Variants in DKK2 observed in about 807,000 individuals in gnomAD.
DKK2 encodes the protein dickkopf Wnt signaling pathway inhibitor 2.
DKK2 carries 11 observed loss-of-function variants against 28.1 expected under a neutral mutation model. The observed-to-expected ratio is 0.39, with a 90% confidence interval of 0.25 to 0.65. DKK2 has a LOEUF of 0.65. DKK2 is among the 30% of genes least tolerant of loss of function. DKK2 has a pLI of 0.47. For missense variants in DKK2, 326 were observed against 335.5 expected, an observed-to-expected ratio of 0.97 and a Z score of 0.22; for synonymous variants, 135 against 126.5, an observed-to-expected ratio of 1.07 and a Z score of -0.45.
chr4:106,942,713 T>A (rs1340385679), intron 1 of DKK2, among the ~76,000 whole-genome samples: 2 of 152,160 alleles, frequency 1.3e-5, no homozygotes, highest in African/African-American at 4.8e-5. Flanking sequence ...ACCAACTGGC[T>A]AATAGAGCTT....
chr4:106,952,579 C>A (rs763768589), intron 1 of DKK2, among the ~76,000 whole-genome samples: 4 of 152,078 alleles, frequency 2.6e-5, no homozygotes, highest in South Asian at 4.1e-4. Flanking sequence ...TGCCAAAATT[C>A]TTTATTTATA....
intron 1 of DKK2, among the ~76,000 whole-genome samples, chr4:106,968,342 T>C (rs922813518): frequency 6.6e-6 from 1 of 152,102 alleles, no homozygotes; most frequent in Non-Finnish European, 1.5e-5. Context: ...ATTTTGGTCG[T>C]TATTGCCATT....
rs1488545984 is a variant in DKK2 at position 107,016,831 on chromosome 4, G to C, written c.222+18539C>G. On this transcript the variant is annotated intron_variant, in intron 1 of 3. Transcript: ENST00000285311. ...AAAACCATGGGTGCAGCAGGTTTGG[G>C]AAAGGGAAAAGATGGGATTTGGACA... Among the ~76,000 whole-genome samples, 7 of 151,884 alleles carry C rather than the reference G, an allele frequency of 4.6e-5. No individual in the cohort carries two copies. In the East Asian group the frequency reaches 1.4e-3, roughly 29 times the overall value.
intron 1 of DKK2, among the ~76,000 whole-genome samples, chr4:106,976,924 G>T (rs1408741988): frequency 6.6e-6 from 1 of 152,070 alleles, no homozygotes; most frequent in African/African-American, 2.4e-5. Context: ...TCTCTTGTAA[G>T]GCAGGCCCGA....
At chr4:106,948,888 C>T (rs1355639952) in intron 1 of DKK2, among the ~76,000 whole-genome samples, 3 of 152,092 alleles carry the variant, frequency 2.0e-5, no homozygotes, top group Non-Finnish European at 2.9e-5. Context: ...AATCACTAGC[C>T]AAGTCAGATT....
chr4:106,954,233 C>T (rs1722551760), intron 1 of DKK2, among the ~76,000 whole-genome samples: 1 of 152,152 alleles, frequency 6.6e-6, no homozygotes, highest in African/African-American at 2.4e-5. Context: ...ATTTAAAAGG[C>T]AAGCTATTAT....
chr4:106,953,963 C>A, intron 1 of DKK2, among the ~76,000 whole-genome samples: 1 of 152,114 alleles, frequency 6.6e-6, no homozygotes, highest in East Asian at 1.9e-4. Flanking sequence ...GTATGAGGAC[C>A]ATCTCTTGCA....
intron 1 of DKK2, among the ~76,000 whole-genome samples, chr4:106,955,525 T>A: frequency 6.6e-6 from 1 of 152,086 alleles, no homozygotes; most frequent in East Asian, 1.9e-4. Flanking sequence ...ATTTCACCCA[T>A]GAATTCACCA....
At chr4:106,960,093 C>T (rs1277865603) in intron 1 of DKK2, among the ~76,000 whole-genome samples, 1 of 149,428 alleles carries the variant, frequency 6.7e-6, no homozygotes, top group Admixed American at 6.7e-5. Flanking sequence ...TATCCATCAG[C>T]TGATGTGCAG....
chr4:106,948,154 A>G (rs1173301479), intron 1 of DKK2, among the ~76,000 whole-genome samples: 1 of 152,102 alleles, frequency 6.6e-6, no homozygotes, highest in African/African-American at 2.4e-5. Flanking sequence ...CAGGTAGTAA[A>G]TGTTAGAGCT....
At chr4:106,974,213 T>C (rs1722909097) in intron 1 of DKK2, among the ~76,000 whole-genome samples, 1 of 152,144 alleles carries the variant, frequency 6.6e-6, no homozygotes, top group Non-Finnish European at 1.5e-5. Flanking sequence ...AGGATTGTCT[T>C]GGCTATATGG....
At chr4:106,961,579 AC>A (rs1722685055) in intron 1 of DKK2, among the ~76,000 whole-genome samples, 1 of 151,864 alleles carries the variant, frequency 6.6e-6, no homozygotes. Context: ...ACACACACAC[AC>A]ACACACACAC....
intron 1 of DKK2, among the ~76,000 whole-genome samples, chr4:106,960,492 G>C (rs1321258525): frequency 6.6e-6 from 1 of 151,992 alleles, no homozygotes; most frequent in East Asian, 1.9e-4. Context: ...CCAGGTGACA[G>C]GTGCACTAAA....
chr4:107,006,679 C>T (rs1456302309), intron 1 of DKK2, among the ~76,000 whole-genome samples: 1 of 152,156 alleles, frequency 6.6e-6, no homozygotes, highest in African/African-American at 2.4e-5. Context: ...ACACTGCATA[C>T]CTCTCAATCT....
intron 1 of DKK2, among the ~76,000 whole-genome samples, chr4:106,977,150 T>A (rs1722957880): frequency 6.6e-6 from 1 of 152,218 alleles, no homozygotes; most frequent in Non-Finnish European, 1.5e-5. Flanking sequence ...AACCCAACCT[T>A]TCTCTCTAGC....
chr4:106,968,899 TAC>T (rs897209468), intron 1 of DKK2, among the ~76,000 whole-genome samples: 6 of 152,134 alleles, frequency 3.9e-5, no homozygotes, highest in African/African-American at 1.4e-4. Context: ...TCCCTCAAGA[TAC>T]ACAGTCATAT....
intron 1 of DKK2, among the ~76,000 whole-genome samples, chr4:106,938,481 C>T (rs1033891220): frequency 3.9e-5 from 6 of 152,284 alleles, no homozygotes; most frequent in East Asian, 1.9e-4. Flanking sequence ...TAATCAATAG[C>T]TTACCAACTA....
intron 1 of DKK2, among the ~76,000 whole-genome samples, chr4:107,024,166 G>T (rs1272197912): frequency 6.6e-6 from 1 of 152,004 alleles, no homozygotes; most frequent in African/African-American, 2.4e-5. Flanking sequence ...TGACCCTAAA[G>T]CTTAGTTTCA....
At chr4:107,024,904 T>C (rs1192064963) in intron 1 of DKK2, among the ~76,000 whole-genome samples, 1 of 152,208 alleles carries the variant, frequency 6.6e-6, no homozygotes, top group East Asian at 1.9e-4. Flanking sequence ...CAGTATGTTC[T>C]TAGAAATGAA....
Sources: gnomAD v4.1 joint callset for allele counts (sites outside exome capture counted in the v4.1 genomes callset) on GRCh38, gnomAD v4.1.1 for gene constraint, MANE v1.5 for transcripts, NCBI Gene and HGNC (gene_info 2026-07-23, HGNC 2026-07-21) for gene names.